The following GLIS3 variants were observed in gnomAD, a reference collection of about 807,000 sequenced individuals.
GLIS3 encodes zinc finger protein GLIS3.
In GLIS3, 53 loss-of-function variants were observed where a neutral mutation model predicts 78.6. The ratio of observed to expected loss-of-function variants is 0.67; its 90% CI spans 0.54 to 0.85. The LOEUF (loss-of-function observed/expected upper bound fraction) is 0.85, where lower values mean the gene tolerates loss of function less well. GLIS3 is among the 40% of genes least tolerant of loss of function. The pLI is 0.00. For synonymous variants in GLIS3, 684 were observed against 509.9 expected, an observed-to-expected ratio of 1.34 and a Z score of -4.60; for missense variants, 1,703 against 1,231.1, an observed-to-expected ratio of 1.38 and a Z score of -5.74.
intron 7 of GLIS3, among the ~76,000 whole-genome samples, chr9:3,886,403 A>C (rs1010071930): frequency 1.3e-5 from 2 of 152,204 alleles, no homozygotes; most frequent in Non-Finnish European, 2.9e-5. Context: ...AATGCATTTC[A>C]GTTTAAAAGA....
chr9:4,394,991 G>A, the GLIS3 span, among the ~76,000 whole-genome samples: 1 of 152,196 alleles, frequency 6.6e-6, no homozygotes, highest in East Asian at 1.9e-4. Flanking sequence ...ATATCCCGTA[G>A]ATGACTAATT....
At chr9:4,119,440 AT>A (rs1190120526) in intron 3 of GLIS3, among the ~76,000 whole-genome samples, 5 of 152,208 alleles carry the variant, frequency 3.3e-5, no homozygotes, top group African/African-American at 1.2e-4. Flanking sequence ...AGTTTCACTG[AT>A]ATTAAGGAAT....
intron 2 of GLIS3, among the ~76,000 whole-genome samples, chr9:4,276,932 T>C (rs1242950790): frequency 6.6e-6 from 1 of 152,222 alleles, no homozygotes; most frequent in Non-Finnish European, 1.5e-5. Context: ...TTGGTTATTT[T>C]TGGAAACTTT....
chr9:3,998,233 T>C (rs1316625430), intron 4 of GLIS3, among the ~76,000 whole-genome samples: 1 of 152,156 alleles, frequency 6.6e-6, no homozygotes, highest in African/African-American at 2.4e-5. Context: ...AAAAGTACTG[T>C]TTCCTTTGGG....
intron 2 of GLIS3, among the ~76,000 whole-genome samples, chr9:4,184,110 C>G (rs1304954321): frequency 6.6e-6 from 1 of 151,984 alleles, no homozygotes; most frequent in African/African-American, 2.4e-5. Context: ...CTGAAAACAC[C>G]AATTAAAAGG....
chr9:4,263,116 C>T (rs1312576241), intron 2 of GLIS3, among the ~76,000 whole-genome samples: 1 of 152,100 alleles, frequency 6.6e-6, no homozygotes, highest in Non-Finnish European at 1.5e-5. Flanking sequence ...ACTGAAATGG[C>T]CATGGGCTTG....
chr9:4,345,582 T>A (rs10758609), intron 2 of GLIS3, among the ~76,000 whole-genome samples: 1 of 152,202 alleles, frequency 6.6e-6, no homozygotes, highest in Non-Finnish European at 1.5e-5. Context: ...ACAGGTTCCA[T>A]GTATCTTACC....
rs572803574 is a variant in GLIS3 at position 4,030,196 on chromosome 9, A to G, written c.1710+87572T>C. Among the ~76,000 whole-genome samples the G allele has an allele frequency of 3.9e-5, 6 of 152,318 alleles. No individual in the cohort carries two copies. The South Asian group carries it at 1.2e-3, about 32-fold the overall frequency. On this transcript the variant is annotated intron_variant, in intron 4 of 10. Transcript: ENST00000381971. ...TTTGATTTGCATTTCTCTGCTGATC[A>G]GTGATGTTGAGCACCTTTTCATATG...
chr9:4,027,307 T>C (rs551348722), intron 4 of GLIS3, among the ~76,000 whole-genome samples: 4 of 152,326 alleles, frequency 2.6e-5, no homozygotes, highest in South Asian at 4.1e-4. Context: ...AAGAAGACAA[T>C]GTAATTCACA....
intron 2 of GLIS3, among the ~76,000 whole-genome samples, chr9:4,262,027 T>A (rs1419228616): frequency 6.6e-6 from 1 of 152,114 alleles, no homozygotes; most frequent in Non-Finnish European, 1.5e-5. Context: ...TTAGAACATA[T>A]TTTCATGGAG....
intron 6 of GLIS3, among the ~76,000 whole-genome samples, chr9:3,922,281 C>T (rs1192486589): frequency 1.3e-5 from 2 of 151,766 alleles, no homozygotes; most frequent in Non-Finnish European, 2.9e-5. Flanking sequence ...AGAATCAAAA[C>T]AGAGGGACCC....
chr9:3,917,595 T>C (rs970430354), intron 6 of GLIS3, among the ~76,000 whole-genome samples: 6 of 149,808 alleles, frequency 4.0e-5, no homozygotes, highest in African/African-American at 7.3e-5. Flanking sequence ...CACTACTCCA[T>C]CCATTATTTT....
chr9:3,960,933 G>T (rs1394209227), intron 4 of GLIS3, among the ~76,000 whole-genome samples: 1 of 152,216 alleles, frequency 6.6e-6, no homozygotes, highest in Non-Finnish European at 1.5e-5. Flanking sequence ...TAAAGAAGTG[G>T]ATGGCAACCT....
chr9:3,989,234 A>G (rs1820018542), intron 4 of GLIS3, among the ~76,000 whole-genome samples: 1 of 152,196 alleles, frequency 6.6e-6, no homozygotes. Flanking sequence ...TAAAAATTAA[A>G]AAGAGTGACA....
the GLIS3 span, among the ~76,000 whole-genome samples, chr9:4,388,027 C>T: frequency 2.0e-5 from 3 of 152,112 alleles, no homozygotes; most frequent in African/African-American, 4.8e-5. Flanking sequence ...TTAAAAGGAG[C>T]GAACCAATGT....
chr9:4,298,759 G>C (rs550942120), intron 1 of GLIS3, among the ~76,000 whole-genome samples: 20 of 152,268 alleles, frequency 1.3e-4, no homozygotes, highest in African/African-American at 4.1e-4. Context: ...CGGCGTGGGA[G>C]GTTATAGTTC....
At chr9:3,885,020 C>T (rs755080419) in intron 7 of GLIS3, among the ~76,000 whole-genome samples, 6 of 152,190 alleles carry the variant, frequency 3.9e-5, no homozygotes, top group African/African-American at 1.2e-4. Context: ...AAAGGATATT[C>T]CCATTTCTGT....
intron 4 of GLIS3, among the ~76,000 whole-genome samples, chr9:3,973,977 TA>T (rs977134111): frequency 1.1e-4 from 17 of 152,258 alleles, no homozygotes; most frequent in South Asian, 4.1e-4. Flanking sequence ...AAAATTCTTA[TA>T]AAAAAATCAA....
chr9:4,197,479 A>G (rs917924393), intron 2 of GLIS3, among the ~76,000 whole-genome samples: 16 of 151,584 alleles, frequency 1.1e-4, no homozygotes, highest in African/African-American at 3.6e-4. Context: ...CCCCAACTCC[A>G]TCACCTTGCA....
Sources: gnomAD v4.1 joint callset for allele counts (sites outside exome capture counted in the v4.1 genomes callset) on GRCh38, gnomAD v4.1.1 for gene constraint, MANE v1.5 for transcripts, NCBI Gene and HGNC (gene_info 2026-07-23, HGNC 2026-07-21) for gene names.